UBXN4: variants seen among roughly 807,000 people sequenced by gnomAD.
UBXN4 encodes UBX domain protein 4, also known as UBX domain-containing protein 4.
UBXN4 carries 35 observed loss-of-function variants against 66.2 expected under a neutral mutation model. The observed-to-expected ratio is 0.53, with a 90% CI of 0.40 to 0.70. The LOEUF is 0.70. UBXN4 is among the 30% of genes least tolerant of loss of function. The pLI, the probability that UBXN4 is intolerant of heterozygous loss-of-function variation, is 0.00. For missense variants in UBXN4, 533 were observed against 599.8 expected (o/e 0.89, Z 1.16); for synonymous variants, 203 against 204.5 (o/e 0.99, Z 0.06).
chr2:135,753,557 T>A lies in UBXN4; in HGVS notation c.204T>A (p.Phe68Leu), dbSNP rs2077260052. ...IDTKSEACLQ[F>L]SQIYPVVCVP... ...TTTACAGTGAAGCCTGCCTACAGTT[T>A]TCACAAATCTGTATCCTTTCAGTAA... Residue 68 changes from phenylalanine to leucine, a missense_variant, in exon 3 of 13, where the codon TTT becomes TTA. Phe to Leu is a conservative substitution (Grantham distance 22, BLOSUM62 0). This residue lies in a region of UBXN4 where 529 missense variants were observed against 580.1 expected (regional missense o/e 0.91). Transcript: ENST00000272638. The A allele has an allele frequency of 2.0e-6, 3 of 1,531,060 alleles. No homozygotes were observed. The highest frequency in any genetic ancestry group is 8.7e-7 in the Non-Finnish European group (1 of 1,151,224). 94.8% of individuals were successfully genotyped at this position (1,531,060 alleles called of 1,614,324 possible).
chr2:135,751,667 T>G (rs2105493560), intron 2 of UBXN4, among the ~76,000 whole-genome samples: 1 of 151,728 alleles, frequency 6.6e-6, no homozygotes, highest in South Asian at 2.1e-4. Context: ...TTAGTGTGTA[T>G]GTATTTTTGG....
chr2:135,744,654 A>T (rs374813727), intron 1 of UBXN4, among the ~76,000 whole-genome samples: 2 of 152,156 alleles, frequency 1.3e-5, no homozygotes, highest in African/African-American at 4.8e-5. Context: ...GACTGGCTGT[A>T]TGAGGGTCTG....
chr2:135,763,830 A>C (rs898146413), intron 6 of UBXN4, among the ~76,000 whole-genome samples: 5 of 151,222 alleles, frequency 3.3e-5, no homozygotes, highest in Non-Finnish European at 7.4e-5. Context: ...TGTCTCAAAA[A>C]GTAAATAAAT....
intron 5 of UBXN4, among the ~76,000 whole-genome samples, chr2:135,759,245 C>T (rs2077297238): frequency 6.6e-6 from 1 of 152,098 alleles, no homozygotes; most frequent in Admixed American, 6.5e-5. Flanking sequence ...TGTATGATTT[C>T]ATCTTTTAAA....
At chr2:135,754,361 G>A (rs776157609) in intron 4 of UBXN4, 84 bp downstream of exon 4, 43 of 1,079,190 alleles carry the variant, frequency 4.0e-5, no homozygotes, top group Non-Finnish European at 5.6e-5. Context: ...TCGTTCTGTC[G>A]CCCAGGCTGG....
chr2:135,780,121 C>A, intron 11 of UBXN4, 62 bp from the exon 12 acceptor site: 3 of 1,529,730 alleles, frequency 2.0e-6, no homozygotes, highest in South Asian at 1.2e-5. Context: ...TCATCTGGAA[C>A]CTTGGGCGTG....
chr2:135,753,850 A>G (rs2077262260), intron 3 of UBXN4: 1 of 440,668 alleles, frequency 2.3e-6, no homozygotes, highest in Non-Finnish European at 4.0e-6. Context: ...TCTGAAAAAC[A>G]ATATAGATCA....
At chr2:135,772,747 A>C (rs1476924330) in intron 9 of UBXN4, among the ~76,000 whole-genome samples, 200 bp downstream of exon 9, 1 of 152,176 alleles carries the variant, frequency 6.6e-6, no homozygotes, top group Non-Finnish European at 1.5e-5. Flanking sequence ...ACTTTAAAAG[A>C]GGGCCCAATA....
chr2:135,760,313 C>T (rs2077307235), intron 5 of UBXN4, among the ~76,000 whole-genome samples: 1 of 151,954 alleles, frequency 6.6e-6, no homozygotes, highest in African/African-American at 2.4e-5. Flanking sequence ...CACTGGTGGC[C>T]CCAGCTACTA....
At chr2:135,775,564 C>T (rs986294530) in intron 9 of UBXN4, among the ~76,000 whole-genome samples, 4 of 152,150 alleles carry the variant, frequency 2.6e-5, no homozygotes, top group Admixed American at 2.6e-4. Context: ...GATTCTATTA[C>T]ACAACATGCC....
chr2:135,741,866 G>A lies in UBXN4; in HGVS notation c.-64G>A, dbSNP rs1350530360. On this transcript the variant is annotated 5_prime_UTR_variant, in exon 1 of 13. Coordinates refer to ENST00000272638, the MANE Select transcript of UBXN4 (RefSeq NM_014607.4). ...CCGCAGAGCCGGACGAAGACGGAGG[G>A]CGGAGCCGGCTTCGGGACTGCGGAG... 1.3e-6 allele frequency: 2 copies of A among 1,537,090 alleles called. No individual in the cohort carries two copies. Among genetic ancestry groups the A allele is most frequent in the Non-Finnish European group, 1.8e-6 (2 of 1,135,072 alleles).
intron 6 of UBXN4, among the ~76,000 whole-genome samples, chr2:135,762,259 TG>T (rs1386452447): frequency 6.6e-6 from 1 of 152,240 alleles, no homozygotes; most frequent in Non-Finnish European, 1.5e-5. Context: ...TTCATGACTA[TG>T]TACTGAGCTT....
At chr2:135,766,092 G>T (rs901283940) in intron 6 of UBXN4, among the ~76,000 whole-genome samples, 1 of 151,782 alleles carries the variant, frequency 6.6e-6, no homozygotes, top group African/African-American at 2.4e-5. Flanking sequence ...CGTAGAGATT[G>T]CAGTGAGCTG....
intron 5 of UBXN4, among the ~76,000 whole-genome samples, chr2:135,757,413 T>A (rs562013548): frequency 2.6e-4 from 40 of 152,390 alleles, no homozygotes; most frequent in African/African-American, 9.1e-4. Flanking sequence ...TTGTGCAGAA[T>A]GAGTACTCTT....
intron 9 of UBXN4, among the ~76,000 whole-genome samples, chr2:135,775,028 G>A (rs1258425767): frequency 6.6e-6 from 1 of 152,108 alleles, no homozygotes; most frequent in Non-Finnish European, 1.5e-5. Context: ...TAAACAAATG[G>A]CCAGTAAGCA....
At chr2:135,751,999 G>A (rs1252001785) in intron 2 of UBXN4, among the ~76,000 whole-genome samples, 1 of 151,898 alleles carries the variant, frequency 6.6e-6, no homozygotes, top group African/African-American at 2.4e-5. Flanking sequence ...TTCCTTCCAT[G>A]TTTTACAAAA....
intron 8 of UBXN4, among the ~76,000 whole-genome samples, chr2:135,772,217 G>A (rs2077387503): frequency 6.6e-6 from 1 of 152,132 alleles, no homozygotes; most frequent in Admixed American, 6.5e-5. Context: ...AGCTACTCTG[G>A]AAGCTGAGGT....
intron 1 of UBXN4, among the ~76,000 whole-genome samples, chr2:135,745,780 C>T (rs1195117580): frequency 6.6e-6 from 1 of 150,386 alleles, no homozygotes; most frequent in Non-Finnish European, 1.5e-5. Flanking sequence ...CAAATAGTAA[C>T]TTCTCGTTAT....
chr2:135,758,286 C>T (rs892037329), intron 5 of UBXN4, among the ~76,000 whole-genome samples: 1 of 151,984 alleles, frequency 6.6e-6, no homozygotes, highest in Admixed American at 6.6e-5. Context: ...GTTGATCAGG[C>T]TGGTCTCAAT....
Sources: allele counts gnomAD v4.1 joint callset (sites outside exome capture counted in the v4.1 genomes callset), GRCh38; gene constraint gnomAD v4.1.1; regional missense constraint gnomAD v4.1.1; transcripts MANE v1.5; gene names NCBI Gene and HGNC (gene_info 2026-07-23, HGNC 2026-07-21).